The following PCCB variants were observed in gnomAD, a reference collection of about 807,000 sequenced individuals.
PCCB encodes propionyl-CoA carboxylase beta chain, mitochondrial.
In PCCB, 43 loss-of-function variants were observed where a neutral mutation model predicts 60.7. That is an observed-to-expected ratio of 0.71 (90% CI 0.55 to 0.91). The LOEUF (loss-of-function observed/expected upper bound fraction) is 0.91, where lower values mean the gene tolerates loss of function less well. Among genes scored for constraint, PCCB ranks in the 40% least tolerant of loss-of-function variants. The probability of loss-of-function intolerance (pLI) is 0.00; values close to 1 mark genes in which losing one functional copy is unlikely to be tolerated. For missense variants in PCCB, 766 were observed against 702.8 expected, an observed-to-expected ratio of 1.09 and a Z score of -1.02; for synonymous variants, 276 against 255.9, an observed-to-expected ratio of 1.08 and a Z score of -0.75.
chr3:136,287,627 A>G (rs773049762), intron 6 of PCCB, among the ~76,000 whole-genome samples: 16 of 151,846 alleles, frequency 1.1e-4, no homozygotes, highest in Admixed American at 3.3e-4. Flanking sequence ...GTAGAGATGG[A>G]TTTTGCTGTG....
intron 9 of PCCB, among the ~76,000 whole-genome samples, chr3:136,312,747 G>C (rs926289257): frequency 6.6e-6 from 1 of 152,140 alleles, no homozygotes; most frequent in Non-Finnish European, 1.5e-5. Flanking sequence ...GTGAAAGATA[G>C]ACAAAGCTGA....
intron 1 of PCCB, chr3:136,252,526 ATT>A (rs768208532): frequency 3.4e-3 from 959 of 281,044 alleles, no homozygotes; most frequent in East Asian, 6.1e-3. Flanking sequence ...GGATGACAGA[ATT>A]TTTTTTTTTT....
Position 136,330,056 on chromosome 3 carries a change from G to A in PCCB, c.*30G>A, listed in dbSNP as rs1312029241. 1.9e-6 allele frequency: 3 copies of A among 1,613,562 alleles called. No individual in the cohort carries two copies. The highest frequency in any genetic ancestry group is 1.3e-5 in the African/African-American group (1 of 74,922). Reference sequence around the variant, plus strand: ...ATCAAAGGAAAAGAAACCAAGAACTGAATTACTGTCTGCCCATTCACATCC... The same window carrying A: ...ATCAAAGGAAAAGAAACCAAGAACTAAATTACTGTCTGCCCATTCACATCC... On this transcript the variant is annotated 3_prime_UTR_variant, in exon 15 of 15. Coordinates refer to ENST00000251654, the MANE Select transcript of PCCB (RefSeq NM_000532.5).
chr3:136,294,776 A>G (rs540309214), intron 7 of PCCB, among the ~76,000 whole-genome samples: 2 of 151,890 alleles, frequency 1.3e-5, no homozygotes, highest in South Asian at 2.1e-4. Context: ...TACCCAGGTA[A>G]TTTTTATTTT....
intron 5 of PCCB, among the ~76,000 whole-genome samples, chr3:136,265,938 G>C (rs1277304988): frequency 6.6e-6 from 1 of 151,136 alleles, no homozygotes; most frequent in African/African-American, 2.4e-5. Context: ...CCATTCTCCT[G>C]CCTGAGCCTC....
chr3:136,252,367 C>T (rs1315619935), intron 1 of PCCB: 1 of 455,050 alleles, frequency 2.2e-6, no homozygotes, highest in East Asian at 7.0e-5. Flanking sequence ...CTGCCTCAGC[C>T]TCCAGAGTAC....
At chr3:136,324,456 A>AT (rs749594765) in intron 10 of PCCB, among the ~76,000 whole-genome samples, 1 of 152,000 alleles carries the variant, frequency 6.6e-6, no homozygotes, top group Non-Finnish European at 1.5e-5. Flanking sequence ...TAGTGTTTTC[A>AT]TTTTCATTCA....
intron 10 of PCCB, among the ~76,000 whole-genome samples, chr3:136,318,141 A>C (rs1297215805): frequency 6.6e-6 from 1 of 152,240 alleles, no homozygotes; most frequent in Non-Finnish European, 1.5e-5. Context: ...GTTAGAGACC[A>C]TCTTAGCCAA....
At chr3:136,321,669 T>C (rs972034847) in intron 10 of PCCB, among the ~76,000 whole-genome samples, 1 of 152,162 alleles carries the variant, frequency 6.6e-6, no homozygotes, top group Non-Finnish European at 1.5e-5. Context: ...CCTCAACACA[T>C]GGGGATTACA....
At chr3:136,317,941 T>A (rs929976478) in intron 10 of PCCB, among the ~76,000 whole-genome samples, 2 of 152,180 alleles carry the variant, frequency 1.3e-5, no homozygotes, top group African/African-American at 2.4e-5. Flanking sequence ...TCCTCAATAT[T>A]TTTCCTCTTA....
At position 136,264,440 on chromosome 3, in the gene PCCB, G is replaced by GTGTATATATATATATATATATATATA; in HGVS notation, c.543+2376_543+2377insGTATATATATATATATATATATATAT. ...CTGTCTCTCATATATATGTGTGTGT[G>GTGTATATATATATATATATATATATA]TATATATGTATATATATATATGTTC... On this transcript the variant is annotated intron_variant, in intron 5 of 14. Coordinates refer to ENST00000251654, the MANE Select transcript of PCCB (RefSeq NM_000532.5). Among the ~76,000 whole-genome samples the GTGTATATATATATATATATATATATA allele has an allele frequency of 3.4e-3, 423 of 123,656 alleles. 38 individuals are homozygous for GTGTATATATATATATATATATATATA. The highest frequency in any genetic ancestry group is 7.2e-3 in the African/African-American group (238 of 33,024). The allele number at this position is 123,656 out of a possible 152,430, so 81.1% of individuals were successfully genotyped here. A position where few individuals can be genotyped will look rare whatever the true frequency, so the allele number is the denominator to read the frequency against.
intron 10 of PCCB, among the ~76,000 whole-genome samples, chr3:136,321,889 T>A (rs1935121734): frequency 6.6e-6 from 1 of 152,266 alleles, no homozygotes. Flanking sequence ...TTTGGTCACT[T>A]CTTTCAGATT....
chr3:136,327,532 A>G lies in PCCB; in HGVS notation c.1300-102A>G, dbSNP rs189713613. ...GGGCCTTCAGGAGCCCAGTAGGGCT[A>G]TTCTTGTTCTTTGTCCCAATTTTAC... On this transcript the variant is annotated intron_variant, in intron 12 of 14. Coordinates refer to ENST00000251654, the MANE Select transcript of PCCB (RefSeq NM_000532.5). 398 of 893,374 alleles carry G rather than the reference A, an allele frequency of 4.5e-4. No individual in the cohort carries two copies. In the African/African-American group the frequency reaches 6.0e-3, roughly 13 times the overall value. 55.3% of individuals were successfully genotyped at this position (893,374 alleles called of 1,614,324 possible). A position where few individuals can be genotyped will look rare whatever the true frequency, so the allele number is the denominator to read the frequency against.
chr3:136,282,082 A>G (rs1237468539), intron 5 of PCCB, among the ~76,000 whole-genome samples: 3 of 152,070 alleles, frequency 2.0e-5, no homozygotes, highest in Non-Finnish European at 4.4e-5. Flanking sequence ...AGAACATACA[A>G]CCTTGATTTT....
At chr3:136,267,217 T>TG (rs1304119739) in intron 5 of PCCB, among the ~76,000 whole-genome samples, 1 of 152,152 alleles carries the variant, frequency 6.6e-6, no homozygotes, top group Non-Finnish European at 1.5e-5. Context: ...GACAGGGTCT[T>TG]GCTCTGTTGC....
In PCCB at chr3:136,257,740, C is replaced by T. The variant is rs1170693636; in HGVS notation, c.372+1117C>T. Among the ~76,000 whole-genome samples, 3 of 152,136 alleles carry T rather than the reference C, an allele frequency of 2.0e-5. No homozygotes were observed. In the East Asian group the frequency reaches 5.8e-4, roughly 29 times the overall value. ...TCACCTGAGGTCAGGAGTTTGAGACCAGCTGGCCAACATGGCGAAACTCCA... is the reference window on the plus strand; with the variant it reads ...TCACCTGAGGTCAGGAGTTTGAGACTAGCTGGCCAACATGGCGAAACTCCA... On this transcript the variant is annotated intron_variant, in intron 3 of 14. Transcript: ENST00000251654.
chr3:136,269,717 T>C (rs551446151), intron 5 of PCCB, among the ~76,000 whole-genome samples: 1 of 151,658 alleles, frequency 6.6e-6, no homozygotes, highest in Admixed American at 6.6e-5. Context: ...AACCCTGTCT[T>C]TACTAAAAAT....
intron 5 of PCCB, among the ~76,000 whole-genome samples, chr3:136,262,512 C>G (rs1199278971): frequency 6.6e-6 from 1 of 152,292 alleles, no homozygotes; most frequent in East Asian, 1.9e-4. Flanking sequence ...ACCCCAGATC[C>G]TACCATTCAG....
chr3:136,327,445 C>T (rs1046416135), intron 12 of PCCB, among the ~76,000 whole-genome samples, 189 bp from the exon 13 acceptor site: 1 of 152,128 alleles, frequency 6.6e-6, no homozygotes, highest in Non-Finnish European at 1.5e-5. Context: ...GAACTGAAGG[C>T]AGTAGTGGGA....
Sources: gnomAD v4.1 joint callset for allele counts (sites outside exome capture counted in the v4.1 genomes callset) on GRCh38, gnomAD v4.1.1 for gene constraint, MANE v1.5 for transcripts, NCBI Gene and HGNC (gene_info 2026-07-23, HGNC 2026-07-21) for gene names.